Variants in CHD5 observed in about 807,000 individuals in gnomAD.
CHD5 encodes the protein ATP-dependent chromatin remodeler CHD5.
A neutral mutation model predicts 230.3 loss-of-function variants in CHD5; 69 were observed. That is an observed-to-expected ratio of 0.30 (90% CI 0.25 to 0.37). CHD5 has a LOEUF of 0.37. Ranked by LOEUF, CHD5 falls within the 10% of genes least tolerant of loss-of-function variation. The pLI is 1.00. For missense variants in CHD5, 1,827 were observed against 2,622.8 expected (o/e 0.70, Z 6.63); for synonymous variants, 1,064 against 1,065.9 (o/e 1.00, Z 0.03).
intron 5 of CHD5, among the ~76,000 whole-genome samples, chr1:6,153,331 A>G (rs187113001): frequency 0.022 from 3,377 of 152,338 alleles, 62 homozygotes; most frequent in Non-Finnish European, 0.035. Flanking sequence ...CTGGGCAGAC[A>G]GGGGCGGGCC....
chr1:6,151,026 T>G lies in CHD5; in HGVS notation c.994+6A>C. 1.3e-6 allele frequency: 2 copies of G among 1,547,182 alleles called. No homozygotes were observed. Among genetic ancestry groups the G allele is most frequent in the African/African-American group, 1.4e-5 (1 of 73,232 alleles). ...GGCCAAGAACTCTCTGGAAGGGGAG[T>G]CATACTCCTCTTCTTCTTGCGCCTC... On this transcript the variant is annotated splice_donor_region_variant and intron_variant, in intron 7 of 41. Transcript: ENST00000262450.
intron 2 of CHD5, among the ~76,000 whole-genome samples, chr1:6,166,871 C>T (rs1276680918): frequency 1.3e-5 from 2 of 152,142 alleles, no homozygotes; most frequent in African/African-American, 4.8e-5. Context: ...GTGATCTCAC[C>T]TTGTTCACGG....
In CHD5 at chr1:6,124,176, C is replaced by T; in HGVS notation, c.4540-69G>A. 6 of 1,422,252 alleles carry T rather than the reference C, an allele frequency of 4.2e-6. No individual in the cohort carries two copies. In the South Asian group the frequency reaches 7.4e-5, roughly 18 times the overall value. The allele number at this position is 1,422,252 out of a possible 1,614,324, so 88.1% of individuals were successfully genotyped here. A position where few individuals can be genotyped will look rare whatever the true frequency, so the allele number is the denominator to read the frequency against. On this transcript the variant is annotated intron_variant, in intron 30 of 41. Coordinates refer to ENST00000262450, the MANE Select transcript of CHD5 (RefSeq NM_015557.3). ...GTGGTGGCAACTCAGCCCTAAGGGC[C>T]TCAGGGCAGCCAGGGGGGCTGAAAG...
In CHD5 at chr1:6,151,099, G is replaced by A. The variant is rs908283360; in HGVS notation, c.927C>T (p.Ala309=). The A allele has an allele frequency of 1.2e-6, 2 of 1,610,002 alleles. No homozygotes were observed. The highest frequency in any genetic ancestry group is 1.3e-5 in the African/African-American group (1 of 74,994). The change falls in exon 7 of 42, where the codon GCC becomes GCT. Residue 309 remains alanine (A), a synonymous_variant. Coordinates refer to ENST00000262450, the MANE Select transcript of CHD5 (RefSeq NM_015557.3). ...CTGCAGAGCATTCGGAGCGCACGGA[G>A]GCACTGTGGATGCTGGCGCTGTCGA... ...SDFDSASIHS[A]SVRSECSAAL...
At chr1:6,109,774 T>C (rs748357324) in intron 38 of CHD5, 21 bp downstream of exon 38, 2 of 1,604,262 alleles carry the variant, frequency 1.2e-6, no homozygotes, top group East Asian at 4.5e-5. Context: ...GGCTGCACCG[T>C]GGGGGGCAGG....
In CHD5 at chr1:6,144,095, C is replaced by T. The variant is rs752311549; in HGVS notation, c.1863G>A (p.Gln621=). 1.2e-6 allele frequency: 2 copies of T among 1,614,198 alleles called. No individual in the cohort carries two copies. The highest frequency in any genetic ancestry group is 2.2e-5 in the South Asian group (2 of 91,086). ...CGATGTCATCGATCTCCCAGGTGCA[C>T]TGGTCGTAGGGCAGGTCTTTCCACT... The part of the protein sequence containing the change: ...LIKWKDLPYD[Q]CTWEIDDIDI... The change falls in exon 12 of 42, where the codon CAG becomes CAA. Residue 621 remains glutamine (Q), a synonymous_variant. Coordinates refer to ENST00000262450, the MANE Select transcript of CHD5 (RefSeq NM_015557.3).
chr1:6,120,903 CAA>C (rs150515182), intron 33 of CHD5, among the ~76,000 whole-genome samples, 200 bp downstream of exon 33: 11 of 141,644 alleles, frequency 7.8e-5, no homozygotes, highest in Non-Finnish European at 7.8e-5. Context: ...ACCCTTTCTC[CAA>C]AAAAAAAAAA....
chr1:6,123,433 T>C (rs1353379294), intron 31 of CHD5, among the ~76,000 whole-genome samples: 2 of 148,656 alleles, frequency 1.3e-5, no homozygotes, highest in African/African-American at 4.9e-5. Flanking sequence ...GAATAGTACT[T>C]TTTTTTTTTT....
chr1:6,152,331 C>T (rs1246698071), intron 6 of CHD5, 81 bp downstream of exon 6: 2 of 1,511,640 alleles, frequency 1.3e-6, no homozygotes, highest in East Asian at 2.4e-5. Context: ...AACTGAAGGC[C>T]CTCGCCTGGC....
intron 33 of CHD5, among the ~76,000 whole-genome samples, chr1:6,113,919 C>T (rs1666334729): frequency 6.6e-6 from 1 of 152,136 alleles, no homozygotes; most frequent in Non-Finnish European, 1.5e-5. Flanking sequence ...GAGGGATGCT[C>T]CCACTCCCCA....
intron 36 of CHD5, 54 bp from the exon 37 acceptor site, chr1:6,110,580 A>AG: frequency 1.2e-6 from 1 of 831,722 alleles, no homozygotes; most frequent in Admixed American, 2.3e-5. Context: ...GTGGGGCCGT[A>AG]GGGGGAGGCA....
intron 38 of CHD5, among the ~76,000 whole-genome samples, chr1:6,109,302 TCCC>T (rs1480960637): frequency 3.9e-5 from 6 of 151,920 alleles, no homozygotes; most frequent in Non-Finnish European, 8.8e-5. Flanking sequence ...GGGCCACCCC[TCCC>T]CCAACCAGCC....
Position 6,109,973 on chromosome 1 carries a change from C to T in CHD5, c.5400G>A (p.Leu1800=), listed in dbSNP as rs764454713. 14 of 1,548,860 alleles carry T rather than the reference C, an allele frequency of 9.0e-6. No individual in the cohort carries two copies. Among genetic ancestry groups the T allele is most frequent in the Non-Finnish European group, 1.1e-5 (13 of 1,149,890 alleles). ...CCCTCCGGAGCTGCTCCTCAATGAC[C>T]AACGCCTGCTCCAGCAGCTGGGGGC... ...ARRFKLLEQA[L]VIEEQLRRAA... The change falls in exon 38 of 42, where the codon TTG becomes TTA. Residue 1800 remains leucine (L), a synonymous_variant. Coordinates refer to ENST00000262450, the MANE Select transcript of CHD5 (RefSeq NM_015557.3).
rs776307336 is a variant in CHD5, at chr1:6,124,069, G to A, written c.4578C>T (p.Thr1526=). The A allele has an allele frequency of 4.3e-6, 7 of 1,612,818 alleles. No homozygotes were observed. Among genetic ancestry groups the A allele is most frequent in the African/African-American group, 1.3e-5 (1 of 74,816 alleles). The change falls in exon 31 of 42, where the codon ACC becomes ACT. Residue 1526 remains threonine (T), a synonymous_variant. Coordinates refer to ENST00000262450, the MANE Select transcript of CHD5 (RefSeq NM_015557.3). The part of the protein sequence containing the change: ...EFEHVNGKYS[T]PDLIPEGPEG... ...CGGGCCCCTCAGGGATCAAGTCTGGGGTGCTGTACTTCCCGTTGACATGCT... is the reference window on the plus strand; with the variant it reads ...CGGGCCCCTCAGGGATCAAGTCTGGAGTGCTGTACTTCCCGTTGACATGCT...
In CHD5 at chr1:6,148,893, G is replaced by A. The variant is rs371954866; in HGVS notation, c.1344C>T (p.Pro448=). The A allele has an allele frequency of 6.3e-7, 1 of 1,585,004 alleles. No homozygotes were observed. Among genetic ancestry groups the A allele is most frequent in the Non-Finnish European group, 8.6e-7 (1 of 1,164,514 alleles). Residue 448 remains proline, a synonymous_variant, in exon 9 of 42, where the codon CCC becomes CCT. Transcript: ENST00000262450. ...YHLHCLNPPL[P]EIPNGEWLCP... Reference sequence around the variant, plus strand: ...AGAGCCATTCACCGTTTGGGATCTCGGGCAGCGGCGGGTTGAGGCAATGCA... The same window carrying A: ...AGAGCCATTCACCGTTTGGGATCTCAGGCAGCGGCGGGTTGAGGCAATGCA...
chr1:6,124,409 T>C (rs1244715689), intron 30 of CHD5, 108 bp downstream of exon 30: 49 of 1,286,510 alleles, frequency 3.8e-5, no homozygotes, highest in Non-Finnish European at 5.4e-5. Context: ...CCTGGGCAGC[T>C]GTGTGGCCTG....
chr1:6,111,583 T>C (rs1214065414), intron 36 of CHD5, among the ~76,000 whole-genome samples, 192 bp downstream of exon 36: 1 of 148,188 alleles, frequency 6.7e-6, no homozygotes, highest in East Asian at 2.0e-4. Flanking sequence ...CAGAGACACA[T>C]AAGGAAGAAG....
At position 6,155,325 on chromosome 1, in the gene CHD5, T is replaced by C. The variant is rs1418292014; in HGVS notation, c.506+274A>G. Reference sequence around the variant, plus strand: ...CACCTCTACCAGAGCTGAGAGGCCATGGTGGTGAAAGACCCCCCAGGAAAG... The same window carrying C: ...CACCTCTACCAGAGCTGAGAGGCCACGGTGGTGAAAGACCCCCCAGGAAAG... On this transcript the variant is annotated intron_variant, in intron 4 of 41. Coordinates refer to ENST00000262450, the MANE Select transcript of CHD5 (RefSeq NM_015557.3). The surrounding 1 kb of genome is among the most constrained non-coding windows in gnomAD (Gnocchi z 4.0). Among the ~76,000 whole-genome samples the C allele has an allele frequency of 6.6e-6, 1 of 152,056 alleles. No homozygotes were observed. The highest frequency in any genetic ancestry group is 2.4e-5 in the African/African-American group (1 of 41,414).
chr1:6,134,391 C>T lies in CHD5; in HGVS notation c.3013-132G>A. ...GCCTGTCTGCCCACTGAACATGAGA[C>T]CCACACCCGAGCCAGGCCAGGCCCC... On this transcript the variant is annotated intron_variant, in intron 19 of 41. Transcript: ENST00000262450. The surrounding 1 kb of genome is among the most constrained non-coding windows in gnomAD (Gnocchi z 6.3). 8.6e-7 allele frequency: 1 copy of T among 1,161,802 alleles called. No homozygotes were observed. The highest frequency in any genetic ancestry group is 1.2e-6 in the Non-Finnish European group (1 of 816,042). The allele number at this position is 1,161,802 out of a possible 1,614,324, so 72.0% of individuals were successfully genotyped here. A position where few individuals can be genotyped will look rare whatever the true frequency, so the allele number is the denominator to read the frequency against.
Sources: gnomAD v4.1 joint callset for allele counts (sites outside exome capture counted in the v4.1 genomes callset) on GRCh38, gnomAD v4.1.1 for gene constraint, Gnocchi (gnomAD v3.1) non-coding constraint, MANE v1.5 for transcripts, NCBI Gene and HGNC (gene_info 2026-07-23, HGNC 2026-07-21) for gene names.